Variants in EFEMP1 observed in about 807,000 individuals in gnomAD.
EFEMP1 encodes the protein EGF-containing fibulin-like extracellular matrix protein 1.
In EFEMP1, 18 loss-of-function variants were observed where a neutral mutation model predicts 65.7. The observed-to-expected ratio is 0.27, with a 90% confidence interval of 0.19 to 0.41. The LOEUF is 0.41. Ranked by LOEUF, EFEMP1 falls within the 10% of genes least tolerant of loss-of-function variation. EFEMP1 has a pLI of 1.00. For synonymous variants in EFEMP1, 237 were observed against 219.7 expected (o/e 1.08, Z -0.70); for missense variants, 469 against 624.8 (o/e 0.75, Z 2.66).
rs1354824871 is a variant in EFEMP1, at chr2:55,923,689, A to AC, written c.-49+21dup. ...GTGAGTACTGGGCTCGCTCGGGGCG[A>AC]CCCCCCGTTGGGGGCTCCTACCTGT... On this transcript the variant is annotated intron_variant, in intron 1 of 11. Coordinates refer to ENST00000355426, the MANE Select transcript of EFEMP1 (RefSeq NM_001039348.3). The surrounding 1 kb of genome is among the most constrained non-coding windows in gnomAD (Gnocchi z 5.3). 1 of 983,988 alleles carries AC rather than the reference A, an allele frequency of 1.0e-6. No homozygotes were observed. Among genetic ancestry groups the AC allele is most frequent in the Non-Finnish European group, 1.2e-6 (1 of 829,808 alleles). 61.0% of individuals were successfully genotyped at this position (983,988 alleles called of 1,614,324 possible). A position where few individuals can be genotyped will look rare whatever the true frequency, so the allele number is the denominator to read the frequency against.
intron 9 of EFEMP1, among the ~76,000 whole-genome samples, chr2:55,874,294 A>G (rs1223269314): frequency 6.7e-6 from 1 of 150,042 alleles, no homozygotes; most frequent in Non-Finnish European, 1.5e-5. Context: ...ATTTTCAACT[A>G]CATGCAACAT....
At chr2:55,876,171 C>T (rs1669029212) in intron 8 of EFEMP1, among the ~76,000 whole-genome samples, 2 of 152,014 alleles carry the variant, frequency 1.3e-5, no homozygotes, top group African/African-American at 2.4e-5. Context: ...GAACCAGAAA[C>T]CAGATCTCCT....
chr2:55,917,565 G>C lies in EFEMP1; in HGVS notation c.517+100C>G. On this transcript the variant is annotated intron_variant, in intron 5 of 11. Coordinates refer to ENST00000355426, the MANE Select transcript of EFEMP1 (RefSeq NM_001039348.3). The surrounding 1 kb of genome is among the most constrained non-coding windows in gnomAD (Gnocchi z 6.3). ...ATGCAGACAAAGCACTTAGCATGAT[G>C]TCTGGCACGCGAGAAGTCCTTAATA... 1 of 1,457,932 alleles carries C rather than the reference G, an allele frequency of 6.9e-7. No homozygotes were observed. Among genetic ancestry groups the C allele is most frequent in the South Asian group, 1.1e-5 (1 of 87,126 alleles). The allele number at this position is 1,457,932 out of a possible 1,614,324, so 90.3% of individuals were successfully genotyped here. A position where few individuals can be genotyped will look rare whatever the true frequency, so the allele number is the denominator to read the frequency against.
Position 55,893,040 on chromosome 2 carries a change from T to C in EFEMP1, c.518-11306A>G, listed in dbSNP as rs144639073. Among the ~76,000 whole-genome samples, 280 of 152,260 alleles carry C rather than the reference T, an allele frequency of 1.8e-3. 2 individuals are homozygous for C. Among genetic ancestry groups the C allele is most frequent in the African/African-American group, 6.5e-3 (271 of 41,568 alleles). ...TGTAATAATTTGTTTATAGAAACTT[T>C]TAAGTGAAAACCTTTGGCTTCAGGC... On this transcript the variant is annotated intron_variant, in intron 5 of 11. Coordinates refer to ENST00000355426, the MANE Select transcript of EFEMP1 (RefSeq NM_001039348.3).
Position 55,867,349 on chromosome 2 carries a change from A to T in EFEMP1, c.1321-115T>A. 3.5e-6 allele frequency: 4 copies of T among 1,158,080 alleles called. No homozygotes were observed. The highest frequency in any genetic ancestry group is 4.9e-6 in the Non-Finnish European group (4 of 816,598). The allele number at this position is 1,158,080 out of a possible 1,614,324, so 71.7% of individuals were successfully genotyped here. ...GGGGGAGAATTTTGAAGGTGGTATA[A>T]AAGAGCCACTACTTGGTCCCTTCTT... is the stretch of plus-strand genomic sequence containing the variant. On this transcript the variant is annotated intron_variant, in intron 11 of 11. Coordinates refer to ENST00000355426, the MANE Select transcript of EFEMP1 (RefSeq NM_001039348.3). This position sits in a 1 kb window ranked among gnomAD's most constrained non-coding sequence, Gnocchi z 4.3.
intron 8 of EFEMP1, 78 bp from the exon 9 acceptor site, chr2:55,875,143 A>AT (rs1668978002): frequency 4.5e-6 from 2 of 441,232 alleles, no homozygotes; most frequent in South Asian, 6.0e-5. Flanking sequence ...TATATATATA[A>AT]ATTATATATA....
At chr2:55,911,828 TCTGA>T (rs1280631223) in intron 5 of EFEMP1, among the ~76,000 whole-genome samples, 1 of 152,222 alleles carries the variant, frequency 6.6e-6, no homozygotes, top group Non-Finnish European at 1.5e-5. Context: ...AAGAACACTT[TCTGA>T]CTGTGTATGA....
At chr2:55,908,047 T>C (rs1670346571) in intron 5 of EFEMP1, among the ~76,000 whole-genome samples, 1 of 152,186 alleles carries the variant, frequency 6.6e-6, no homozygotes, top group African/African-American at 2.4e-5. Flanking sequence ...TCTTTCTTCC[T>C]GGGTTCCTGA....
chr2:55,916,847 A>G (rs928319449), intron 5 of EFEMP1, among the ~76,000 whole-genome samples: 6 of 152,184 alleles, frequency 3.9e-5, no homozygotes, highest in Admixed American at 2.6e-4. Flanking sequence ...AATATCCTAC[A>G]TGTCTTCAAA....
intron 5 of EFEMP1, among the ~76,000 whole-genome samples, chr2:55,913,933 C>T (rs920777630): frequency 1.3e-5 from 2 of 152,014 alleles, no homozygotes; most frequent in Admixed American, 6.5e-5. Flanking sequence ...TTGCTTAAAC[C>T]CAGAAGGTGG....
chr2:55,916,440 G>A (rs1350997365), intron 5 of EFEMP1, among the ~76,000 whole-genome samples: 4 of 152,110 alleles, frequency 2.6e-5, no homozygotes, highest in African/African-American at 7.2e-5. Flanking sequence ...ATTTAAACTC[G>A]AGTATCTTTT....
At chr2:55,900,327 C>G (rs1465762671) in intron 5 of EFEMP1, among the ~76,000 whole-genome samples, 3 of 150,212 alleles carry the variant, frequency 2.0e-5, no homozygotes, top group Non-Finnish European at 4.4e-5. Context: ...CCCCCACCAA[C>G]TCTCACTGCC....
At chr2:55,908,030 GCT>G (rs1215344280) in intron 5 of EFEMP1, among the ~76,000 whole-genome samples, 1 of 152,080 alleles carries the variant, frequency 6.6e-6, no homozygotes, top group Admixed American at 6.5e-5. Context: ...CTCTCAGTAA[GCT>G]CTGTTCTTTC....
rs777180494 is a variant in EFEMP1, at chr2:55,917,914, G to A, written c.268C>T (p.Pro90Ser). Residue 90 changes from proline to serine, a missense_variant, in exon 5 of 12, where the codon CCA becomes TCA. Pro to Ser is a moderately conservative substitution (Grantham distance 74). This residue lies in a region of EFEMP1 where 399 missense variants were observed against 528.2 expected (regional missense o/e 0.76). Coordinates refer to ENST00000355426, the MANE Select transcript of EFEMP1 (RefSeq NM_001039348.3). The surrounding 1 kb of genome is among the most constrained non-coding windows in gnomAD (Gnocchi z 6.3). The part of the protein sequence containing the change: ...NNEQPQQETQ[P>S]AEGTSGATTG... ...GTTGCCCCTGAGGTTCCTTCTGCTG[G>A]TTGTGTTTCCTGCTGAGGCTGTTCA... is the stretch of plus-strand genomic sequence containing the variant. 2 of 1,614,214 alleles carry A rather than the reference G, an allele frequency of 1.2e-6. No individual in the cohort carries two copies. The highest frequency in any genetic ancestry group is 1.1e-5 in the South Asian group (1 of 91,090).
intron 5 of EFEMP1, among the ~76,000 whole-genome samples, chr2:55,913,020 A>G (rs1435883218): frequency 6.6e-6 from 1 of 152,250 alleles, no homozygotes. Context: ...ACAACTGCAA[A>G]GAAAGACTCT....
intron 5 of EFEMP1, among the ~76,000 whole-genome samples, chr2:55,902,552 G>C (rs1670078712): frequency 6.6e-6 from 1 of 152,208 alleles, no homozygotes; most frequent in African/African-American, 2.4e-5. Flanking sequence ...GAAGTCTGGG[G>C]CTGTGGCATG....
chr2:55,892,832 G>A (rs2868431), intron 5 of EFEMP1, among the ~76,000 whole-genome samples: 73,694 of 151,810 alleles, frequency 0.49, 20,181 homozygotes, highest in East Asian at 0.89. Context: ...ATGAATAAAC[G>A]GATGAAAAAA....
intron 5 of EFEMP1, among the ~76,000 whole-genome samples, chr2:55,912,300 C>A (rs887527980): frequency 6.6e-6 from 1 of 152,080 alleles, no homozygotes; most frequent in Non-Finnish European, 1.5e-5. Flanking sequence ...ATGCAGCCAG[C>A]GACCCTAATG....
At chr2:55,878,031 A>G (rs1453419496) in intron 6 of EFEMP1, among the ~76,000 whole-genome samples, 166 bp from the exon 7 acceptor site, 1 of 152,172 alleles carries the variant, frequency 6.6e-6, no homozygotes, top group Non-Finnish European at 1.5e-5. Context: ...TTGTATTCTG[A>G]GTTAAGAAGT....
Sources: gnomAD v4.1 joint callset for allele counts (sites outside exome capture counted in the v4.1 genomes callset) on GRCh38, gnomAD v4.1.1 for gene constraint, gnomAD v4.1.1 regional missense constraint, Gnocchi (gnomAD v3.1) non-coding constraint, MANE v1.5 for transcripts, NCBI Gene and HGNC (gene_info 2026-07-23, HGNC 2026-07-21) for gene names.